The following ZC3H7A variants were observed in gnomAD, a reference collection of about 807,000 sequenced individuals.
The protein encoded by ZC3H7A is zinc finger CCCH-type containing 7A, also known as zinc finger CCCH domain-containing protein 7A.
In ZC3H7A, 44 loss-of-function variants were observed where a neutral mutation model predicts 125.5. The ratio of observed to expected loss-of-function variants is 0.35; its 90% CI spans 0.28 to 0.45. ZC3H7A has a LOEUF of 0.45. Ranked by LOEUF, ZC3H7A falls within the 20% of genes least tolerant of loss-of-function variation. The pLI is 1.00. For synonymous variants in ZC3H7A, 399 were observed against 391.2 expected (o/e 1.02, Z -0.23); for missense variants, 977 against 1,170.7 (o/e 0.83, Z 2.41).
At chr16:11,752,612 C>T (rs79473551) in intron 22 of ZC3H7A, 57 bp downstream of exon 22, 1 of 1,571,800 alleles carries the variant, frequency 6.4e-7, no homozygotes, top group Non-Finnish European at 8.6e-7. Context: ...GCTGACATGT[C>T]CATGAAAATT....
chr16:11,774,880 T>C lies in ZC3H7A; in HGVS notation c.619+100A>G, dbSNP rs2053053320. 2.2e-6 allele frequency: 3 copies of C among 1,343,636 alleles called. No individual in the cohort carries two copies. In the Admixed American group the frequency reaches 5.4e-5, roughly 24 times the overall value. 83.2% of individuals were successfully genotyped at this position (1,343,636 alleles called of 1,614,324 possible). On this transcript the variant is annotated intron_variant, in intron 8 of 22. Transcript: ENST00000355758. ...TCATATTAATACATTAATATGAATATAACCACACAGCGATATTATTTGACA... is the reference window on the plus strand; with the variant it reads ...TCATATTAATACATTAATATGAATACAACCACACAGCGATATTATTTGACA...
intron 2 of ZC3H7A, 92 bp from the exon 3 acceptor site, chr16:11,781,556 C>T: frequency 7.5e-7 from 1 of 1,328,466 alleles, no homozygotes; most frequent in Non-Finnish European, 1.1e-6. Context: ...GTTCCATTAG[C>T]TTGCCACTGG....
Position 11,776,331 on chromosome 16 carries a change from C to T in ZC3H7A, c.574G>A (p.Gly192Arg). The part of the protein sequence containing the change: ...ELSLKSVPGD[G>R]ATKALNHSVE... ...AAAAATAACTTTACCTTGGTAGCCCCATCCCCAGGAACTGATTTTAATGAG... is the reference window on the plus strand; with the variant it reads ...AAAAATAACTTTACCTTGGTAGCCCTATCCCCAGGAACTGATTTTAATGAG... Residue 192 changes from glycine (G) to arginine (R), a missense_variant, in exon 7 of 23, where the codon GGG (glycine) becomes AGG (arginine). Gly to Arg is a moderately radical substitution (Grantham distance 125). Around this residue, in one of 3 missense-constraint regions of ZC3H7A, gnomAD observed 199 missense variants for 256.1 expected, o/e 0.78. Coordinates refer to ENST00000355758, the MANE Select transcript of ZC3H7A (RefSeq NM_014153.4). The T allele has an allele frequency of 6.2e-7, 1 of 1,608,116 alleles. No homozygotes were observed. Among genetic ancestry groups the T allele is most frequent in the African/African-American group, 1.3e-5 (1 of 74,592 alleles).
chr16:11,776,753 G>T lies in ZC3H7A; in HGVS notation c.463C>A (p.Gln155Lys). 6.2e-7 allele frequency: 1 copy of T among 1,600,124 alleles called. No individual in the cohort carries two copies. Among genetic ancestry groups the T allele is most frequent in the South Asian group, 1.1e-5 (1 of 88,232 alleles). ...CAAATAAACTATAAATTCCATACCT[G>T]AGGCACTGCTAAGGAGCACTTTGCT... is the stretch of plus-strand genomic sequence containing the variant. ...AVAKCSLAVP[Q>K]DEHVIKLTQE... is the part of the protein sequence containing the mutation. The change falls in exon 5 of 23, where the codon CAG (glutamine) becomes AAG (lysine). Residue 155 changes from glutamine to lysine, a missense_variant and splice_region_variant. Around this residue, in one of 3 missense-constraint regions of ZC3H7A, gnomAD observed 199 missense variants for 256.1 expected, o/e 0.78. Transcript: ENST00000355758.
At chr16:11,753,637 T>TAG (rs1313588997) in intron 21 of ZC3H7A, 1 of 152,114 alleles carries the variant, frequency 6.6e-6, no homozygotes, top group East Asian at 1.9e-4. Context: ...ACACCCCAGG[T>TAG]AGGCCTTATT....
At chr16:11,761,868 G>C (rs768028503) in intron 18 of ZC3H7A, 42 bp downstream of exon 18, 1 of 1,601,890 alleles carries the variant, frequency 6.2e-7, no homozygotes, top group East Asian at 2.2e-5. Flanking sequence ...CTACGAAACA[G>C]AAAATTACAA....
chr16:11,794,093 G>T lies in ZC3H7A; in HGVS notation c.-35+3031C>A, dbSNP rs370448178. ...TCATCTTATCTATGACCTCTGTATG[G>T]AAGAACTCAACAGGAATATTTCATG... On this transcript the variant is annotated intron_variant, in intron 1 of 22. Transcript: ENST00000355758. Among the ~76,000 whole-genome samples the T allele has an allele frequency of 1.1e-3, 172 of 152,250 alleles. 3 individuals carry two copies. The highest frequency in any genetic ancestry group is 4.0e-3 in the African/African-American group (165 of 41,542).
At chr16:11,756,851 A>C (rs937865857) in intron 20 of ZC3H7A, among the ~76,000 whole-genome samples, 3 of 152,168 alleles carry the variant, frequency 2.0e-5, no homozygotes, top group Non-Finnish European at 4.4e-5. Flanking sequence ...CCCTGATGGG[A>C]GTCCATCAGT....
At chr16:11,793,046 T>C (rs1281785553) in intron 1 of ZC3H7A, among the ~76,000 whole-genome samples, 1 of 152,034 alleles carries the variant, frequency 6.6e-6, no homozygotes, top group East Asian at 1.9e-4. Context: ...AGTCTGGACA[T>C]CACTCCAGGG....
chr16:11,782,260 A>G, intron 2 of ZC3H7A, 27 bp downstream of exon 2: 1 of 1,613,918 alleles, frequency 6.2e-7, no homozygotes, highest in Non-Finnish European at 8.5e-7. Context: ...GGACGCGGCA[A>G]GAACACAAGA....
chr16:11,768,191 T>C (rs943757248), intron 12 of ZC3H7A, 124 bp downstream of exon 12: 2 of 1,006,172 alleles, frequency 2.0e-6, no homozygotes, highest in Non-Finnish European at 2.7e-6. Flanking sequence ...TTAGGAAGAA[T>C]TCAAAATAGG....
rs1422891225 is a variant in ZC3H7A at position 11,763,561 on chromosome 16, C to T, written c.1919G>A (p.Arg640Gln). ...CTCATCTTCCCTTAAACAGCCATAC[C>T]GAACTTCATGTCGACATAAATCAAG... ...CQLDLCRHEV[R>Q]YGCLREDECF... The change falls in exon 16 of 23, where the codon CGG becomes CAG. Residue 640 changes from arginine (R) to glutamine (Q), a missense_variant. By Grantham distance (43) the Arg-to-Gln change is conservative. Transcript: ENST00000355758. 9.3e-6 allele frequency: 15 copies of T among 1,611,308 alleles called. No individual in the cohort carries two copies. The highest frequency in any genetic ancestry group is 4.0e-5 in the African/African-American group (3 of 74,694).
chr16:11,757,078 G>A (rs2052662426), intron 20 of ZC3H7A, among the ~76,000 whole-genome samples: 1 of 152,168 alleles, frequency 6.6e-6, no homozygotes, highest in Admixed American at 6.6e-5. Context: ...ATTACAGGAT[G>A]GTGAGTAGCA....
Position 11,765,787 on chromosome 16 carries a change from T to C in ZC3H7A, c.1523-102A>G. On this transcript the variant is annotated intron_variant, in intron 13 of 22. Coordinates refer to ENST00000355758, the MANE Select transcript of ZC3H7A (RefSeq NM_014153.4). The surrounding 1 kb of genome is among the most constrained non-coding windows in gnomAD (Gnocchi z 4.8). ...TGGGAGGATCCCTTGAGCCCAGGAG[T>C]TCAAGGCTGCGGTGAGCAATGATCT... 1.7e-6 allele frequency: 2 copies of C among 1,149,772 alleles called. No homozygotes were observed. The highest frequency in any genetic ancestry group is 2.4e-6 in the Non-Finnish European group (2 of 827,436). 71.2% of individuals were successfully genotyped at this position (1,149,772 alleles called of 1,614,324 possible).
chr16:11,761,933 A>G lies in ZC3H7A; in HGVS notation c.2190T>C (p.Tyr730=), dbSNP rs748159676. The change falls in exon 18 of 23, where the codon TAT becomes TAC. Residue 730 remains tyrosine, a synonymous_variant. Transcript: ENST00000355758. The part of the protein sequence containing the change: ...QVIEPDKNRK[Y]CSAKARHSWT... ...ACGAATGCCTTGCTTTTGCACTACA[A>G]TATTTTCTGTTTTTGTCTGGTTCAA... is the stretch of plus-strand genomic sequence containing the variant. The G allele has an allele frequency of 2.2e-5, 36 of 1,613,012 alleles. No individual in the cohort carries two copies. The highest frequency in any genetic ancestry group is 2.5e-5 in the Non-Finnish European group (30 of 1,179,824).
chr16:11,778,158 C>T (rs1405323856), intron 4 of ZC3H7A, among the ~76,000 whole-genome samples: 1 of 151,756 alleles, frequency 6.6e-6, no homozygotes, highest in Non-Finnish European at 1.5e-5. Context: ...AAACACTCGC[C>T]AGGCACGGTG....
intron 20 of ZC3H7A, 112 bp downstream of exon 20, chr16:11,758,319 C>A: frequency 1.3e-6 from 1 of 790,654 alleles, no homozygotes; most frequent in South Asian, 1.5e-5. Flanking sequence ...AACGGGGCAA[C>A]CGTTTAGAAT....
In ZC3H7A at chr16:11,762,070, A is replaced by AT. The variant is rs752669667; in HGVS notation, c.2080-28dup. On this transcript the variant is annotated intron_variant, in intron 17 of 22. Coordinates refer to ENST00000355758, the MANE Select transcript of ZC3H7A (RefSeq NM_014153.4). ...TTAAACAATTAAAAGATTCGTTTTA[A>AT]TTTTTTTAACAGAAAACCAGTTTTC... The AT allele has an allele frequency of 6.0e-5, 93 of 1,551,674 alleles. No homozygotes were observed. In the Middle Eastern group the frequency reaches 1.9e-3, roughly 32 times the overall value.
chr16:11,789,940 G>A (rs1238681625), intron 1 of ZC3H7A, among the ~76,000 whole-genome samples: 1 of 151,732 alleles, frequency 6.6e-6, no homozygotes, highest in African/African-American at 2.4e-5. Flanking sequence ...AATTAACCGG[G>A]TGTGGAGGCA....
Sources: gnomAD v4.1 joint callset for allele counts (sites outside exome capture counted in the v4.1 genomes callset) on GRCh38, gnomAD v4.1.1 for gene constraint, gnomAD v4.1.1 regional missense constraint, Gnocchi (gnomAD v3.1) non-coding constraint, MANE v1.5 for transcripts, NCBI Gene and HGNC (gene_info 2026-07-23, HGNC 2026-07-21) for gene names.